AUTS2: variants seen among roughly 807,000 people sequenced by gnomAD.
AUTS2 encodes activator of transcription and developmental regulator AUTS2, also known as autism susceptibility gene 2 protein.
Under a neutral mutation model 112.4 loss-of-function variants are expected in AUTS2, and 17 were observed. That is an observed-to-expected ratio of 0.15 (90% CI 0.10 to 0.23). AUTS2 has a LOEUF of 0.23. Among genes scored for constraint, AUTS2 ranks in the 10% least tolerant of loss-of-function variants. AUTS2 has a pLI of 1.00. For synonymous variants in AUTS2, 751 were observed against 702.7 expected (o/e 1.07, Z -1.09); for missense variants, 1,510 against 1,701.6 (o/e 0.89, Z 1.98).
rs1306169249 is a variant in AUTS2, at chr7:69,599,635, AC to A, written c.-15del. The A allele has an allele frequency of 2.4e-6, 3 of 1,272,778 alleles. No homozygotes were observed. Among genetic ancestry groups the A allele is most frequent in the South Asian group, 3.2e-5 (1 of 31,556 alleles). 78.8% of individuals were successfully genotyped at this position (1,272,778 alleles called of 1,614,324 possible). Reference sequence around the variant, plus strand: ...TAGCCTGTGGCGGGCAAGCGGGGAGACCCCGGCGCAGCAGAACCATGGATGG... The same window carrying A: ...TAGCCTGTGGCGGGCAAGCGGGGAGACCCGGCGCAGCAGAACCATGGATGG... On this transcript the variant is annotated 5_prime_UTR_variant, in exon 1 of 19. Transcript: ENST00000342771. This position sits in a 1 kb window ranked among gnomAD's most constrained non-coding sequence, Gnocchi z 7.0.
chr7:70,128,885 G>A (rs961230075), intron 3 of AUTS2, among the ~76,000 whole-genome samples: 1 of 152,088 alleles, frequency 6.6e-6, no homozygotes, highest in Non-Finnish European at 1.5e-5. Context: ...GTGATCCTTG[G>A]TGTTCCTGGC....
intron 2 of AUTS2, among the ~76,000 whole-genome samples, chr7:69,957,982 C>G (rs1271672143): frequency 6.6e-6 from 1 of 152,084 alleles, no homozygotes; most frequent in African/African-American, 2.4e-5. Flanking sequence ...ATGTAACAGC[C>G]CTGGTGGTGA....
chr7:70,021,594 T>C (rs1442241105), intron 2 of AUTS2, among the ~76,000 whole-genome samples: 1 of 152,098 alleles, frequency 6.6e-6, no homozygotes, highest in African/African-American at 2.4e-5. Flanking sequence ...TGTAGTAAAA[T>C]AACGTGGAAA....
chr7:70,550,475 C>T (rs1453421785), intron 5 of AUTS2, among the ~76,000 whole-genome samples: 1 of 152,054 alleles, frequency 6.6e-6, no homozygotes, highest in Non-Finnish European at 1.5e-5. Flanking sequence ...ATCCTGTGTC[C>T]TCAAAGAAGT....
intron 5 of AUTS2, among the ~76,000 whole-genome samples, chr7:70,589,273 TG>T (rs145095952): frequency 0.22 from 33,440 of 152,200 alleles, 4,000 homozygotes; most frequent in Middle Eastern, 0.31. Context: ...TCCTCCCATG[TG>T]GGGAACAAAC....
At chr7:69,883,263 G>A (rs952252134) in intron 1 of AUTS2, among the ~76,000 whole-genome samples, 3 of 151,954 alleles carry the variant, frequency 2.0e-5, no homozygotes, top group African/African-American at 4.8e-5. Flanking sequence ...CCTCAGCTTC[G>A]GGGTGGAGCA....
chr7:70,638,514 G>A (rs80323485), intron 5 of AUTS2, among the ~76,000 whole-genome samples: 115 of 152,142 alleles, frequency 7.6e-4, no homozygotes, highest in African/African-American at 2.7e-3. Context: ...TGCCGTCGTT[G>A]GCATTACAGT....
chr7:70,402,607 G>C (rs1210700541), intron 4 of AUTS2, among the ~76,000 whole-genome samples: 1 of 152,216 alleles, frequency 6.6e-6, no homozygotes, highest in Non-Finnish European at 1.5e-5. Context: ...GGTACAGAGA[G>C]AAAGGCTTGC....
At chr7:70,081,764 G>C (rs1255847170) in intron 2 of AUTS2, among the ~76,000 whole-genome samples, 4 of 152,132 alleles carry the variant, frequency 2.6e-5, no homozygotes, top group East Asian at 3.9e-4. Context: ...TGTATTTGCA[G>C]AAGTTTATAG....
intron 4 of AUTS2, among the ~76,000 whole-genome samples, chr7:70,332,199 A>G (rs1035017788): frequency 4.6e-5 from 7 of 152,136 alleles, no homozygotes; most frequent in Non-Finnish European, 1.5e-5. Context: ...TCATGAGTGA[A>G]CTCCCATTCA....
At chr7:69,632,968 C>T (rs923686039) in intron 1 of AUTS2, among the ~76,000 whole-genome samples, 1 of 152,118 alleles carries the variant, frequency 6.6e-6, no homozygotes, top group Non-Finnish European at 1.5e-5. Flanking sequence ...CATCACCTTA[C>T]ATAGGCAAGA....
chr7:70,257,993 T>C (rs1390495714), intron 4 of AUTS2, among the ~76,000 whole-genome samples: 1 of 152,208 alleles, frequency 6.6e-6, no homozygotes, highest in Non-Finnish European at 1.5e-5. Context: ...CAGTTGTGGC[T>C]CTGCATCTTG....
At chr7:70,713,999 G>T (rs1241801441) in intron 6 of AUTS2, among the ~76,000 whole-genome samples, 1 of 152,098 alleles carries the variant, frequency 6.6e-6, no homozygotes, top group Non-Finnish European at 1.5e-5. Flanking sequence ...GTAACCAGGT[G>T]ATACTGATGT....
intron 4 of AUTS2, among the ~76,000 whole-genome samples, chr7:70,391,665 C>T (rs1206455695): frequency 1.3e-5 from 2 of 151,742 alleles, no homozygotes; most frequent in African/African-American, 4.9e-5. Context: ...GTTAAGAATG[C>T]TAAAAAATAA....
intron 4 of AUTS2, among the ~76,000 whole-genome samples, chr7:70,140,096 T>C (rs75579157): frequency 0.039 from 5,946 of 152,298 alleles, 178 homozygotes; most frequent in Non-Finnish European, 0.064. Flanking sequence ...CTCTATAATA[T>C]TTCTCTTTCA....
intron 1 of AUTS2, among the ~76,000 whole-genome samples, chr7:69,851,921 A>G (rs1347392512): frequency 6.6e-6 from 1 of 152,188 alleles, no homozygotes; most frequent in African/African-American, 2.4e-5. Flanking sequence ...CGAGCATGTC[A>G]TCTATAAACA....
rs57068008 is a variant in AUTS2, at chr7:69,773,708, G to A, written c.310-125578G>A. ...CTCTGCCAGGTGGTGTCAGGAGAAC[G>A]GAGAAGGGTGCTGATCTTTCATTCC... On this transcript the variant is annotated intron_variant, in intron 1 of 18. Transcript: ENST00000342771. 8.8e-3 allele frequency among the ~76,000 whole-genome samples: 1,341 copies of A among 152,254 alleles called. 22 individuals carry two copies. The highest frequency in any genetic ancestry group is 0.031 in the African/African-American group (1,276 of 41,550).
intron 1 of AUTS2, among the ~76,000 whole-genome samples, chr7:69,782,222 G>T (rs1302242243): frequency 6.6e-6 from 1 of 152,108 alleles, no homozygotes; most frequent in Non-Finnish European, 1.5e-5. Flanking sequence ...GATCAGCTGG[G>T]CGTGGTGGTG....
At chr7:70,256,040 G>T (rs1258468334) in intron 4 of AUTS2, among the ~76,000 whole-genome samples, 1 of 152,158 alleles carries the variant, frequency 6.6e-6, no homozygotes, top group Non-Finnish European at 1.5e-5. Flanking sequence ...TTGTTATGGT[G>T]TTTCCATTTG....
Sources: gnomAD v4.1 joint callset for allele counts (sites outside exome capture counted in the v4.1 genomes callset) on GRCh38, gnomAD v4.1.1 for gene constraint, Gnocchi (gnomAD v3.1) non-coding constraint, MANE v1.5 for transcripts, NCBI Gene and HGNC (gene_info 2026-07-23, HGNC 2026-07-21) for gene names.